Variants in DKK2 observed in about 807,000 individuals in gnomAD.
DKK2 encodes the protein dickkopf Wnt signaling pathway inhibitor 2.
In DKK2, 11 loss-of-function variants were observed where a neutral mutation model predicts 28.1. The observed-to-expected ratio is 0.39, with a 90% CI of 0.25 to 0.65. The LOEUF is 0.65. Among genes scored for constraint, DKK2 ranks in the 30% least tolerant of loss-of-function variants. The probability of loss-of-function intolerance (pLI) is 0.47; values close to 1 mark genes in which losing one functional copy is unlikely to be tolerated. For synonymous variants in DKK2, 135 were observed against 126.5 expected (o/e 1.07, Z -0.45); for missense variants, 326 against 335.5 (o/e 0.97, Z 0.22).
At chr4:106,931,838 C>T (rs1724508812) in intron 1 of DKK2, among the ~76,000 whole-genome samples, 1 of 152,070 alleles carries the variant, frequency 6.6e-6, no homozygotes, top group Non-Finnish European at 1.5e-5. Context: ...AAGTATAAGA[C>T]AAAGAAAGAA....
chr4:106,960,724 A>G (rs991672111), intron 1 of DKK2, among the ~76,000 whole-genome samples: 6 of 152,180 alleles, frequency 3.9e-5, no homozygotes, highest in Admixed American at 2.0e-4. Flanking sequence ...TTGTTATAAA[A>G]TACATAAATT....
intron 1 of DKK2, among the ~76,000 whole-genome samples, chr4:107,017,757 T>A (rs1351025107): frequency 6.6e-6 from 1 of 152,102 alleles, no homozygotes; most frequent in African/African-American, 2.4e-5. Context: ...CTTTATTGCC[T>A]ATATTTTTGA....
intron 1 of DKK2, among the ~76,000 whole-genome samples, chr4:107,009,230 C>A (rs773439345): frequency 1.3e-5 from 2 of 151,792 alleles, no homozygotes; most frequent in African/African-American, 2.4e-5. Context: ...AATTTTAACA[C>A]CAAACATTTA....
intron 1 of DKK2, among the ~76,000 whole-genome samples, chr4:107,023,159 T>A (rs889450473): frequency 6.6e-6 from 1 of 152,124 alleles, no homozygotes; most frequent in Admixed American, 6.5e-5. Flanking sequence ...AGTATAATCT[T>A]CAACTTTTCT....
chr4:107,026,524 G>C (rs557455327), intron 1 of DKK2, among the ~76,000 whole-genome samples: 3 of 152,020 alleles, frequency 2.0e-5, no homozygotes, highest in African/African-American at 7.3e-5. Context: ...GAAAAAAATG[G>C]AAGTATATTT....
At chr4:106,983,937 A>G (rs918189570) in intron 1 of DKK2, among the ~76,000 whole-genome samples, 1 of 152,228 alleles carries the variant, frequency 6.6e-6, no homozygotes, top group Non-Finnish European at 1.5e-5. Context: ...AGAATGCTAT[A>G]TTAAAAAATA....
intron 1 of DKK2, among the ~76,000 whole-genome samples, chr4:107,029,360 A>G (rs1392858590): frequency 1.3e-5 from 2 of 152,180 alleles, no homozygotes; most frequent in Non-Finnish European, 2.9e-5. Flanking sequence ...TACACATTGT[A>G]TAACCTCTCT....
intron 1 of DKK2, among the ~76,000 whole-genome samples, chr4:107,029,394 T>C (rs1199863689): frequency 6.6e-6 from 1 of 152,208 alleles, no homozygotes; most frequent in Non-Finnish European, 1.5e-5. Context: ...GTCTTTTTTA[T>C]TAAATGTTTC....
chr4:106,936,240 A>C (rs1399208752), intron 1 of DKK2, among the ~76,000 whole-genome samples: 1 of 152,000 alleles, frequency 6.6e-6, no homozygotes, highest in African/African-American at 2.4e-5. Flanking sequence ...AGAATGTATA[A>C]CTAGAATAAC....
At chr4:106,941,114 A>G (rs1724691671) in intron 1 of DKK2, among the ~76,000 whole-genome samples, 1 of 152,152 alleles carries the variant, frequency 6.6e-6, no homozygotes, top group African/African-American at 2.4e-5. Context: ...ATAATAAAAA[A>G]TAAAATAACA....
At chr4:106,949,735 T>C (rs1229233395) in intron 1 of DKK2, among the ~76,000 whole-genome samples, 1 of 152,210 alleles carries the variant, frequency 6.6e-6, no homozygotes, top group Admixed American at 6.5e-5. Flanking sequence ...CTCTTGCAAT[T>C]AGTGAAAAAC....
chr4:106,979,041 T>A (rs538116047), intron 1 of DKK2, among the ~76,000 whole-genome samples: 2 of 151,988 alleles, frequency 1.3e-5, no homozygotes, highest in South Asian at 2.1e-4. Flanking sequence ...TAATCTTAAA[T>A]AAGGAAACAT....
chr4:107,012,582 C>T (rs1262992448), intron 1 of DKK2, among the ~76,000 whole-genome samples: 1 of 151,208 alleles, frequency 6.6e-6, no homozygotes, highest in East Asian at 1.9e-4. Context: ...GAAGAATATA[C>T]TAGTTCATAT....
At position 107,036,026 on chromosome 4, in the gene DKK2, A is replaced by C. The variant is rs1723960647; in HGVS notation, c.-435T>G. The C allele has an allele frequency of 5.2e-6, 1 of 191,252 alleles. No homozygotes were observed. The highest frequency in any genetic ancestry group is 1.1e-4 in the South Asian group (1 of 9,310). The allele number at this position is 191,252 out of a possible 1,614,324, so 11.8% of individuals were successfully genotyped here. A position where few individuals can be genotyped will look rare whatever the true frequency, so the allele number is the denominator to read the frequency against. Reference sequence around the variant, plus strand: ...GCATCAGCTCCTTCTCCTTCAACTCAGTTGCTTTTCTCTCCTCTCTTTTCC... The same window carrying C: ...GCATCAGCTCCTTCTCCTTCAACTCCGTTGCTTTTCTCTCCTCTCTTTTCC... On this transcript the variant is annotated 5_prime_UTR_variant, in exon 1 of 4. Coordinates refer to ENST00000285311, the MANE Select transcript of DKK2 (RefSeq NM_014421.3).
At chr4:107,022,064 G>A (rs572900253) in intron 1 of DKK2, among the ~76,000 whole-genome samples, 1 of 152,106 alleles carries the variant, frequency 6.6e-6, no homozygotes, top group Non-Finnish European at 1.5e-5. Flanking sequence ...CTTAACTGAA[G>A]TTAACTAGAT....
intron 1 of DKK2, among the ~76,000 whole-genome samples, chr4:106,977,783 G>A (rs918017897): frequency 1.3e-5 from 2 of 152,086 alleles, no homozygotes; most frequent in Non-Finnish European, 2.9e-5. Context: ...TCCCTTGTTG[G>A]GAGGAATTGT....
intron 1 of DKK2, among the ~76,000 whole-genome samples, chr4:106,975,381 T>C (rs1282867979): frequency 6.6e-6 from 1 of 152,178 alleles, no homozygotes; most frequent in Non-Finnish European, 1.5e-5. Flanking sequence ...CTGGGATTTT[T>C]TTGGTTGCTA....
chr4:107,034,620 C>T (rs1472855608), intron 1 of DKK2, among the ~76,000 whole-genome samples: 1 of 152,186 alleles, frequency 6.6e-6, no homozygotes. Context: ...GCGCCTACGA[C>T]GCTGTCATTG....
chr4:107,011,190 G>T (rs894047303), intron 1 of DKK2, among the ~76,000 whole-genome samples: 2 of 151,384 alleles, frequency 1.3e-5, no homozygotes, highest in Non-Finnish European at 3.0e-5. Flanking sequence ...TTAAAATTTA[G>T]TTGCAATATG....
Sources: gnomAD v4.1 joint callset for allele counts (sites outside exome capture counted in the v4.1 genomes callset) on GRCh38, gnomAD v4.1.1 for gene constraint, MANE v1.5 for transcripts, NCBI Gene and HGNC (gene_info 2026-07-23, HGNC 2026-07-21) for gene names.